Variants in CNKSR2 observed in about 807,000 individuals in gnomAD.
The protein encoded by CNKSR2 is CNK homolog protein 2.
CNKSR2 carries 14 observed loss-of-function variants against 84.4 expected under a neutral mutation model. The ratio of observed to expected loss-of-function variants is 0.17; its 90% CI spans 0.11 to 0.26. The LOEUF (loss-of-function observed/expected upper bound fraction) is 0.26. Among genes scored for constraint, CNKSR2 ranks in the 10% least tolerant of loss-of-function variants. The pLI is 1.00. For missense variants in CNKSR2, 485 were observed against 771.2 expected (o/e 0.63, Z 4.40); for synonymous variants, 275 against 277.9 (o/e 0.99, Z 0.10).
At chrX:21,606,335 T>C (rs1419339745) in intron 18 of CNKSR2, among the ~76,000 whole-genome samples, 5 of 112,066 alleles carry the variant, frequency 4.5e-5, no homozygotes, top group Non-Finnish European at 9.4e-5. Flanking sequence ...GCATTATTTT[T>C]AGAGTTGTTT....
rs1469299672 is a variant in CNKSR2, at chrX:21,432,701, G to A, written c.318G>A (p.Arg106=). Residue 106 remains arginine (R), a synonymous_variant, in exon 3 of 22, where the codon AGG becomes AGA. Transcript: ENST00000379510. ...ATCTGCAGAATTTTATAACAGGAAG[G>A]AGAAGGAGTGGCCATTATGATGGGA... ...AKNLQNFITG[R]RRSGHYDGRT... is the part of the protein sequence containing the mutation. 8.3e-7 allele frequency: 1 copy of A among 1,205,818 alleles called. No homozygotes were observed. Among genetic ancestry groups the A allele is most frequent in the South Asian group, 1.8e-5 (1 of 56,371 alleles).
chrX:21,581,551 A>G (rs1053094677), intron 13 of CNKSR2, among the ~76,000 whole-genome samples: 4 of 111,880 alleles, frequency 3.6e-5, no homozygotes, highest in African/African-American at 1.3e-4. Flanking sequence ...GGTCAATTCA[A>G]GTGAGAGATG....
chrX:21,563,789 A>G (rs761197011), intron 13 of CNKSR2, among the ~76,000 whole-genome samples: 1 of 111,816 alleles, frequency 8.9e-6, no homozygotes, highest in South Asian at 3.8e-4. Context: ...ATATAATTTT[A>G]ATATAGTCAT....
At chrX:21,620,261 T>G (rs942976591) in intron 20 of CNKSR2, among the ~76,000 whole-genome samples, 1 of 110,596 alleles carries the variant, frequency 9.0e-6, no homozygotes, top group South Asian at 3.9e-4. Context: ...AAATCACTGA[T>G]TTACTATTAA....
chrX:21,604,445 C>T (rs1175322858), intron 18 of CNKSR2, among the ~76,000 whole-genome samples: 2 of 110,193 alleles, frequency 1.8e-5, no homozygotes, highest in African/African-American at 3.3e-5. Context: ...TGCACATGTA[C>T]CCTAGAACTT....
At chrX:21,376,202 T>G (rs1200740049) in intron 1 of CNKSR2, among the ~76,000 whole-genome samples, 2 of 112,294 alleles carry the variant, frequency 1.8e-5, no homozygotes, top group Non-Finnish European at 3.8e-5. Context: ...GTGAGGTGAT[T>G]GGGAGGGATT....
chrX:21,547,231 A>G (rs1261703775), intron 11 of CNKSR2, among the ~76,000 whole-genome samples: 1 of 111,495 alleles, frequency 9.0e-6, no homozygotes, highest in Admixed American at 9.6e-5. Flanking sequence ...GGGATGGAGG[A>G]ATATTTACCA....
chrX:21,596,662 GT>G lies in CNKSR2; in HGVS notation c.1976+1279del, dbSNP rs370224219. On this transcript the variant is annotated intron_variant, in intron 17 of 21. Transcript: ENST00000379510. ...CTTTGACATTTGGGAATACAAACAT[GT>G]TTTTTTTTTTTCAAAGCAAGGATAT... is the stretch of plus-strand genomic sequence containing the variant. Among the ~76,000 whole-genome samples, 483 of 99,852 alleles carry G rather than the reference GT, an allele frequency of 4.8e-3. 1 individual carries two copies. Among genetic ancestry groups the G allele is most frequent in the African/African-American group, 0.012 (321 of 27,889 alleles). 86.7% of individuals were successfully genotyped at this position (99,852 alleles called of 115,157 possible). A position where few individuals can be genotyped will look rare whatever the true frequency, so the allele number is the denominator to read the frequency against.
At chrX:21,460,431 A>G (rs1601818232) in intron 4 of CNKSR2, among the ~76,000 whole-genome samples, 1 of 111,698 alleles carries the variant, frequency 9.0e-6, no homozygotes. Flanking sequence ...ATACGTAGTA[A>G]GCATATATAT....
intron 9 of CNKSR2, among the ~76,000 whole-genome samples, chrX:21,523,489 G>A (rs2091804543): frequency 1.8e-5 from 2 of 110,665 alleles, no homozygotes; most frequent in African/African-American, 3.3e-5. Flanking sequence ...TTCTTAAATT[G>A]AAATTTCTTT....
chrX:21,594,621 A>G (rs2092441112), intron 15 of CNKSR2: 2 of 121,326 alleles, frequency 1.6e-5, no homozygotes, highest in Non-Finnish European at 3.3e-5. Context: ...TGAATTACAA[A>G]AGTGGACTAC....
At chrX:21,421,994 A>T (rs1028728933) in intron 1 of CNKSR2, 1 of 111,472 alleles carries the variant, frequency 9.0e-6, no homozygotes, top group African/African-American at 3.3e-5. Context: ...TTCATCCTCA[A>T]GTTTGATGTA....
intron 1 of CNKSR2, among the ~76,000 whole-genome samples, chrX:21,403,437 A>C (rs2090219840): frequency 8.9e-6 from 1 of 111,880 alleles, no homozygotes; most frequent in Admixed American, 9.5e-5. Context: ...AGTGTCAATT[A>C]GTCTAACTTC....
At chrX:21,443,258 A>G (rs752217676) in intron 4 of CNKSR2, among the ~76,000 whole-genome samples, 1 of 112,114 alleles carries the variant, frequency 8.9e-6, no homozygotes, top group South Asian at 3.7e-4. Context: ...AGACTTGATA[A>G]AAGGAAGTAA....
chrX:21,471,630 C>T (rs901922942), intron 5 of CNKSR2, among the ~76,000 whole-genome samples: 2 of 112,153 alleles, frequency 1.8e-5, no homozygotes, highest in South Asian at 3.7e-4. Context: ...AACATCTAAA[C>T]GTATGGAGGG....
chrX:21,595,720 A>T (rs2092447807), intron 17 of CNKSR2, among the ~76,000 whole-genome samples: 1 of 111,955 alleles, frequency 8.9e-6, no homozygotes, highest in Non-Finnish European at 1.9e-5. Context: ...AGAGATGTCT[A>T]CCAAAAAATC....
chrX:21,512,429 G>A (rs2091682473), intron 8 of CNKSR2, among the ~76,000 whole-genome samples: 1 of 111,895 alleles, frequency 8.9e-6, no homozygotes, highest in Admixed American at 9.5e-5. Flanking sequence ...CTGAGAAAAA[G>A]CTGTGATCAA....
rs757472302 is a variant in CNKSR2, at chrX:21,623,014, G to T, written c.2692+13397G>T. The stretch of plus-strand genomic sequence containing the variant: ...CCTCAGTCAATACCAGAATATGTTT[G>T]TATAGAGTATTGGAACCCTACAGAC... On this transcript the variant is annotated intron_variant, in intron 20 of 21. Transcript: ENST00000379510. Among the ~76,000 whole-genome samples the T allele has an allele frequency of 3.6e-5, 4 of 110,940 alleles. No homozygotes were observed. The Admixed American group carries it at 3.8e-4, about 11-fold the overall frequency.
At chrX:21,432,402 G>A (rs1475056100) in intron 2 of CNKSR2, among the ~76,000 whole-genome samples, 5 of 111,384 alleles carry the variant, frequency 4.5e-5, no homozygotes, top group Non-Finnish European at 9.4e-5. Flanking sequence ...GTTCATATTA[G>A]TACTTAACAC....
Sources: gnomAD v4.1 joint callset for allele counts (sites outside exome capture counted in the v4.1 genomes callset) on GRCh38, gnomAD v4.1.1 for gene constraint, MANE v1.5 for transcripts, NCBI Gene and HGNC (gene_info 2026-07-23, HGNC 2026-07-21) for gene names.